The following LAMA1 variants were observed in gnomAD, a reference collection of about 807,000 sequenced individuals.
LAMA1 encodes the protein laminin subunit alpha 1.
A neutral mutation model predicts 348.7 loss-of-function variants in LAMA1; 219 were observed. The observed-to-expected ratio is 0.63, with a 90% CI of 0.56 to 0.70. The LOEUF (loss-of-function observed/expected upper bound fraction) is 0.70. LAMA1 is among the 30% of genes least tolerant of loss of function. The pLI is 0.00. For synonymous variants in LAMA1, 1,487 were observed against 1,491.0 expected, an observed-to-expected ratio of 1.00 and a Z score of 0.06; for missense variants, 3,744 against 3,888.0, an observed-to-expected ratio of 0.96 and a Z score of 0.99.
At chr18:6,952,652 A>C (rs1004453253) in intron 57 of LAMA1, among the ~76,000 whole-genome samples, 1 of 152,206 alleles carries the variant, frequency 6.6e-6, no homozygotes, top group African/African-American at 2.4e-5. Flanking sequence ...ATAATACATA[A>C]GTTTTAAATT....
At chr18:7,028,747 G>A (rs1173720097) in intron 16 of LAMA1, among the ~76,000 whole-genome samples, 1 of 152,210 alleles carries the variant, frequency 6.6e-6, no homozygotes, top group African/African-American at 2.4e-5. Flanking sequence ...AAAAGAAAGT[G>A]CAGTCGGTGG....
rs180757134 is a variant in LAMA1 at position 7,107,810 on chromosome 18, T to A, written c.61+9850A>T. On this transcript the variant is annotated intron_variant, in intron 1 of 62. Coordinates refer to ENST00000389658, the MANE Select transcript of LAMA1 (RefSeq NM_005559.4). ...CGGGCAGATCACGAGGTCAGGAGAT[T>A]GAGACCGTCCTGGCTACCATGGTGA... 9.8e-3 allele frequency among the ~76,000 whole-genome samples: 1,385 copies of A among 141,936 alleles called. 16 individuals are homozygous for A. Among genetic ancestry groups the A allele is most frequent in the Non-Finnish European group, 0.016 (1,010 of 64,728 alleles). 93.1% of individuals were successfully genotyped at this position (141,936 alleles called of 152,430 possible).
intron 1 of LAMA1, among the ~76,000 whole-genome samples, chr18:7,086,926 A>ATCTC (rs61123569): frequency 0.84 from 127,085 of 151,796 alleles, 53,350 homozygotes; most frequent in South Asian, 0.86. Context: ...GCCCACCATG[A>ATCTC]TCTCTCTATT....
intron 13 of LAMA1, among the ~76,000 whole-genome samples, 170 bp from the exon 14 acceptor site, chr18:7,034,860 T>A (rs2057987410): frequency 1.3e-5 from 2 of 152,162 alleles, no homozygotes; most frequent in African/African-American, 4.8e-5. Flanking sequence ...AGAGAAAAGG[T>A]GTTTCATTGT....
At chr18:6,955,486 C>CA in intron 56 of LAMA1, 21 bp from the exon 57 acceptor site, 1 of 1,589,132 alleles carries the variant, frequency 6.3e-7, no homozygotes, top group Non-Finnish European at 8.6e-7. Context: ...CACACAGGGA[C>CA]ACTCAGCCGC....
At chr18:6,970,701 C>G (rs1254294952) in intron 48 of LAMA1, among the ~76,000 whole-genome samples, 1 of 151,854 alleles carries the variant, frequency 6.6e-6, no homozygotes, top group African/African-American at 2.4e-5. Context: ...TTGGCTCTGC[C>G]TCCCGGGTTC....
intron 1 of LAMA1, among the ~76,000 whole-genome samples, chr18:7,105,279 A>G (rs1019043260): frequency 1.3e-5 from 2 of 151,976 alleles, no homozygotes; most frequent in Admixed American, 6.6e-5. Context: ...CATCTCTACA[A>G]AAATACAAAA....
chr18:7,063,364 T>C (rs567350943), intron 3 of LAMA1, among the ~76,000 whole-genome samples: 3 of 152,322 alleles, frequency 2.0e-5, no homozygotes, highest in African/African-American at 4.8e-5. Context: ...ACATAATATA[T>C]AGGAAGGCTT....
chr18:6,997,511 C>G (rs2057787090), intron 33 of LAMA1, among the ~76,000 whole-genome samples: 1 of 152,130 alleles, frequency 6.6e-6, no homozygotes, highest in African/African-American at 2.4e-5. Context: ...CCAGAGAGCA[C>G]TGAAATGATG....
intron 1 of LAMA1, among the ~76,000 whole-genome samples, chr18:7,095,443 C>T (rs1242371778): frequency 6.6e-6 from 1 of 152,184 alleles, no homozygotes; most frequent in Non-Finnish European, 1.5e-5. Context: ...AGTGAATTTT[C>T]TCCCTTTCAG....
At chr18:6,958,213 A>G (rs970782598) in intron 55 of LAMA1, among the ~76,000 whole-genome samples, 1 of 152,182 alleles carries the variant, frequency 6.6e-6, no homozygotes, top group African/African-American at 2.4e-5. Flanking sequence ...AAAATATATT[A>G]AAATCCCGGC....
chr18:6,948,720 G>C (rs1855024778), intron 59 of LAMA1, among the ~76,000 whole-genome samples, 164 bp from the exon 60 acceptor site: 1 of 152,172 alleles, frequency 6.6e-6, no homozygotes, highest in Non-Finnish European at 1.5e-5. Flanking sequence ...GAATGTCTAA[G>C]TTAGAGCTAC....
intron 16 of LAMA1, among the ~76,000 whole-genome samples, chr18:7,031,473 A>T (rs190686296): frequency 6.6e-6 from 1 of 152,350 alleles, no homozygotes; most frequent in African/African-American, 2.4e-5. Context: ...AGCATGGTAT[A>T]TAAGTGAGTG....
intron 40 of LAMA1, 44 bp from the exon 41 acceptor site, chr18:6,982,634 T>C: frequency 6.7e-7 from 1 of 1,500,132 alleles, no homozygotes; most frequent in Non-Finnish European, 9.3e-7. Flanking sequence ...CAGGGCAGGG[T>C]GGAGTCCTGC....
Position 6,942,088 on chromosome 18 carries a change from G to C in LAMA1, c.9219C>G (p.Thr3073=). Residue 3073 remains threonine (T), a synonymous_variant, in exon 63 of 63, where the codon ACC becomes ACG. Transcript: ENST00000389658. Reference sequence around the variant, plus strand: ...GGATTCTGCTTGAAGTTCAGGACTCGGTCCCAGGACAGGAATGAAGGAAAA... The same window carrying C: ...GGATTCTGCTTGAAGTTCAGGACTCCGTCCCAGGACAGGAATGAAGGAAAA... The part of the protein sequence containing the change: ...HGVFLHSCPG[T]ES 1 of 1,614,070 alleles carries C rather than the reference G, an allele frequency of 6.2e-7. No homozygotes were observed. Among genetic ancestry groups the C allele is most frequent in the Non-Finnish European group, 8.5e-7 (1 of 1,180,006 alleles).
In LAMA1 at chr18:6,978,272, G is replaced by A. The variant is rs1373216510; in HGVS notation, c.6114C>T (p.Asn2038=). 2 of 1,614,106 alleles carry A rather than the reference G, an allele frequency of 1.2e-6. No individual in the cohort carries two copies. Among genetic ancestry groups the A allele is most frequent in the African/African-American group, 2.7e-5 (2 of 74,922 alleles). Residue 2038 remains asparagine, a synonymous_variant, in exon 43 of 63, where the codon AAC becomes AAT. Transcript: ENST00000389658. ...TGACCCTGGACAGGCTGGCAGATGT[G>A]TTCAGCAGCTCCTGGCTCAGCCCCG... ...DVAGLSQELL[N]TSASLSRVNT... is the part of the protein sequence containing the mutation.
chr18:6,977,361 C>T (rs903535992), intron 44 of LAMA1, among the ~76,000 whole-genome samples: 1 of 152,204 alleles, frequency 6.6e-6, no homozygotes, highest in African/African-American at 2.4e-5. Context: ...AAACGAAGAA[C>T]TAACACCACA....
At position 6,988,526 on chromosome 18, in the gene LAMA1, G is replaced by A. The variant is rs892893124; in HGVS notation, c.5169-2179C>T. ...TTTAATGACATATCTTTGGTCGGGC[G>A]CAGTGGCTCATGCCTGTAATCCCCG... is the stretch of plus-strand genomic sequence containing the variant. On this transcript the variant is annotated intron_variant, in intron 36 of 62. Coordinates refer to ENST00000389658, the MANE Select transcript of LAMA1 (RefSeq NM_005559.4). 2.6e-5 allele frequency among the ~76,000 whole-genome samples: 4 copies of A among 152,194 alleles called. No homozygotes were observed. In the South Asian group the frequency reaches 8.3e-4, roughly 32 times the overall value.
chr18:7,038,107 C>A (rs945878211), intron 11 of LAMA1, among the ~76,000 whole-genome samples: 4 of 152,146 alleles, frequency 2.6e-5, no homozygotes, highest in Admixed American at 2.0e-4. Context: ...TTCTTCGTTG[C>A]CCCCTGCTTT....
Sources: gnomAD v4.1 joint callset for allele counts (sites outside exome capture counted in the v4.1 genomes callset) on GRCh38, gnomAD v4.1.1 for gene constraint, MANE v1.5 for transcripts, NCBI Gene and HGNC (gene_info 2026-07-23, HGNC 2026-07-21) for gene names.